PLEKHA8: variants seen among roughly 807,000 people sequenced by gnomAD.
PLEKHA8 encodes the protein pleckstrin homology domain-containing family A member 8.
Under a neutral mutation model 68.2 loss-of-function variants are expected in PLEKHA8, and 36 were observed. The observed-to-expected ratio is 0.53, with a 90% confidence interval of 0.40 to 0.70. The LOEUF (loss-of-function observed/expected upper bound fraction) is 0.70. Ranked by LOEUF, PLEKHA8 falls within the 30% of genes least tolerant of loss-of-function variation. The pLI is 0.00. For missense variants in PLEKHA8, 505 were observed against 615.4 expected (o/e 0.82, Z 1.90); for synonymous variants, 211 against 216.1 (o/e 0.98, Z 0.20).
intron 13 of PLEKHA8, among the ~76,000 whole-genome samples, chr7:30,096,598 T>C (rs1426264869): frequency 1.3e-5 from 2 of 152,244 alleles, no homozygotes; most frequent in African/African-American, 4.8e-5. Flanking sequence ...TCTTTGTCTC[T>C]TTTGATCTTT....
intron 13 of PLEKHA8, among the ~76,000 whole-genome samples, chr7:30,123,828 C>T (rs1796731702): frequency 6.6e-6 from 1 of 152,160 alleles, no homozygotes; most frequent in African/African-American, 2.4e-5. Flanking sequence ...TTATCCAATT[C>T]CTGAACTTAT....
chr7:30,103,103 G>C (rs1795910946), intron 13 of PLEKHA8, among the ~76,000 whole-genome samples: 1 of 152,100 alleles, frequency 6.6e-6, no homozygotes, highest in Non-Finnish European at 1.5e-5. Flanking sequence ...AGATTACCAG[G>C]TGCTGGAGGG....
chr7:30,044,181 AT>A (rs2127970213), intron 1 of PLEKHA8, among the ~76,000 whole-genome samples: 1 of 151,932 alleles, frequency 6.6e-6, no homozygotes, highest in East Asian at 1.9e-4. Flanking sequence ...TAATTTTTGT[AT>A]TTTTAGTAGA....
chr7:30,072,078 G>A (rs552293014), intron 12 of PLEKHA8: 24 of 152,276 alleles, frequency 1.6e-4, no homozygotes, highest in African/African-American at 5.5e-4. Context: ...GGTTTACATT[G>A]AAGACATGTA....
rs1045174471 is a variant in PLEKHA8 at position 30,080,584 on chromosome 7, T to C, written c.*1797T>C. On this transcript the variant is annotated 3_prime_UTR_variant, in exon 14 of 14. Coordinates refer to ENST00000449726, the MANE Select transcript of PLEKHA8 (RefSeq NM_001197026.2). ...TGAACATTTATTTAGCTCAGATTAA[T>C]TAGGTATTTTGCCCACATAAAGACT... is the stretch of plus-strand genomic sequence containing the variant. 35 of 985,252 alleles carry C rather than the reference T, an allele frequency of 3.6e-5. No individual in the cohort carries two copies. The highest frequency in any genetic ancestry group is 6.2e-5 in the Admixed American group (1 of 16,254). 61.0% of individuals were successfully genotyped at this position (985,252 alleles called of 1,614,324 possible). A position where few individuals can be genotyped will look rare whatever the true frequency, so the allele number is the denominator to read the frequency against.
chr7:30,052,621 C>CA (rs1792505652), intron 6 of PLEKHA8, 88 bp from the exon 7 acceptor site: 5 of 1,135,996 alleles, frequency 4.4e-6, no homozygotes, highest in Non-Finnish European at 5.9e-6. Flanking sequence ...GCCTGGGTGA[C>CA]AGAGTGGAGA....
Position 30,081,163 on chromosome 7 carries a change from TC to T in PLEKHA8, c.*2377del. 1 of 985,360 alleles carries T rather than the reference TC, an allele frequency of 1.0e-6. No homozygotes were observed. Among genetic ancestry groups the T allele is most frequent in the East Asian group, 1.1e-4 (1 of 8,812 alleles). 61.0% of individuals were successfully genotyped at this position (985,360 alleles called of 1,614,324 possible). On this transcript the variant is annotated 3_prime_UTR_variant, in exon 14 of 14. Transcript: ENST00000449726. ...ATGAGGGGCTTAATATTATCTGAGA[TC>T]ATTGAGAACCCAGATCAGACAGAAT...
intron 9 of PLEKHA8, among the ~76,000 whole-genome samples, chr7:30,058,682 G>A (rs1424368646): frequency 6.6e-6 from 1 of 152,014 alleles, no homozygotes; most frequent in East Asian, 1.9e-4. Context: ...GATAATGTAA[G>A]TCTCTCAGTT....
In PLEKHA8 at chr7:30,052,435, A is replaced by G. The variant is rs563549415; in HGVS notation, c.639-274A>G. On this transcript the variant is annotated intron_variant, in intron 6 of 13. Transcript: ENST00000449726. ...GAGGATTGCCTGAGGCCAGGTGGTC[A>G]AGACCAACCTGGGCAACATAGTGAC... Among the ~76,000 whole-genome samples the G allele has an allele frequency of 5.9e-5, 9 of 152,226 alleles. No individual in the cohort carries two copies. In the South Asian group the frequency reaches 1.4e-3, roughly 25 times the overall value.
Position 30,100,178 on chromosome 7 carries a change from A to ACC in PLEKHA8, c.1362+26049_1362+26050dup, listed in dbSNP as rs370011738. Among the ~76,000 whole-genome samples the ACC allele has an allele frequency of 4.1e-4, 63 of 152,160 alleles. 1 individual carries two copies. Among genetic ancestry groups the ACC allele is most frequent in the African/African-American group, 1.4e-3 (57 of 41,520 alleles). On this transcript the variant is annotated intron_variant, in intron 13 of 13. Transcript: ENST00000396257. ...TTAGAGCCCACTCTAATTCAGTATG[A>ACC]CCCCATCTTGACTATATCCGTAAAG...
At chr7:30,038,172 A>G (rs1374038423) in intron 1 of PLEKHA8, among the ~76,000 whole-genome samples, 1 of 152,210 alleles carries the variant, frequency 6.6e-6, no homozygotes, top group Non-Finnish European at 1.5e-5. Flanking sequence ...TATTGGGCCA[A>G]GATGTAATAA....
chr7:30,069,652 C>T (rs762182900), intron 12 of PLEKHA8: 1 of 152,158 alleles, frequency 6.6e-6, no homozygotes, highest in Non-Finnish European at 1.5e-5. Flanking sequence ...TTGGAAAAGG[C>T]ATATTTTTCA....
intron 13 of PLEKHA8, among the ~76,000 whole-genome samples, chr7:30,128,844 T>A (rs1796826380): frequency 6.6e-6 from 1 of 152,160 alleles, no homozygotes; most frequent in South Asian, 2.1e-4. Context: ...AAGGGGAGCC[T>A]GTGTGGAGAG....
chr7:30,117,319 T>C (rs1248711590), intron 13 of PLEKHA8, among the ~76,000 whole-genome samples: 1 of 152,176 alleles, frequency 6.6e-6, no homozygotes. Context: ...GAATTTGAGT[T>C]CCAAGTTAGG....
At chr7:30,116,951 C>T (rs913340056) in intron 13 of PLEKHA8, among the ~76,000 whole-genome samples, 2 of 152,224 alleles carry the variant, frequency 1.3e-5, no homozygotes, top group Non-Finnish European at 2.9e-5. Flanking sequence ...CCCCTGCCCG[C>T]CTTCCAAAAG....
downstream of PLEKHA8, among the ~76,000 whole-genome samples, chr7:30,085,810 T>C (rs1169437168): frequency 6.6e-6 from 1 of 152,148 alleles, no homozygotes; most frequent in African/African-American, 2.4e-5. Context: ...CTGGGGTGGC[T>C]ATGTTGTGCC....
chr7:30,088,019 C>T (rs113526482), downstream of PLEKHA8, among the ~76,000 whole-genome samples: 2,110 of 152,324 alleles, frequency 0.014, 26 homozygotes, highest in Non-Finnish European at 0.024. Flanking sequence ...CCTTGTCCGT[C>T]GTAGAATTCC....
chr7:30,084,628 A>G lies in PLEKHA8; in HGVS notation c.*5841A>G, dbSNP rs1795102970. 1 of 926,916 alleles carries G rather than the reference A, an allele frequency of 1.1e-6. No individual in the cohort carries two copies. The highest frequency in any genetic ancestry group is 5.0e-5 in the South Asian group (1 of 20,008). 57.4% of individuals were successfully genotyped at this position (926,916 alleles called of 1,614,324 possible). A position where few individuals can be genotyped will look rare whatever the true frequency, so the allele number is the denominator to read the frequency against. ...CTGTCAGATTTTATATTCGTTAGTTATAATAAACTTATTTTTAAAGTATTA... is the reference window on the plus strand; with the variant it reads ...CTGTCAGATTTTATATTCGTTAGTTGTAATAAACTTATTTTTAAAGTATTA... On this transcript the variant is annotated 3_prime_UTR_variant, in exon 14 of 14. Transcript: ENST00000449726.
At chr7:30,040,767 C>T (rs1286737182) in intron 1 of PLEKHA8, among the ~76,000 whole-genome samples, 1 of 152,092 alleles carries the variant, frequency 6.6e-6, no homozygotes, top group Admixed American at 6.5e-5. Flanking sequence ...CCCGCTACCC[C>T]GTCCCTGGCA....
Sources: allele counts gnomAD v4.1 joint callset (sites outside exome capture counted in the v4.1 genomes callset), GRCh38; gene constraint gnomAD v4.1.1; transcripts MANE v1.5; gene names NCBI Gene and HGNC (gene_info 2026-07-23, HGNC 2026-07-21).